The following CSMD2 variants were observed in gnomAD, a reference collection of about 807,000 sequenced individuals.
CSMD2 encodes CUB and Sushi multiple domains 2.
Under a neutral mutation model 398.5 loss-of-function variants are expected in CSMD2, and 130 were observed. That is an observed-to-expected ratio of 0.33 (90% CI 0.28 to 0.38). CSMD2 has a LOEUF of 0.38. Ranked by LOEUF, CSMD2 falls within the 10% of genes least tolerant of loss-of-function variation. The probability of loss-of-function intolerance (pLI) is 1.00; values close to 1 mark genes in which losing one functional copy is unlikely to be tolerated. For synonymous variants in CSMD2, 1,828 were observed against 1,908.5 expected (o/e 0.96, Z 1.10); for missense variants, 3,829 against 4,764.9 (o/e 0.80, Z 5.78).
In CSMD2 at chr1:33,606,129, G is replaced by A. The variant is rs1640590046; in HGVS notation, c.6344-659C>T. 2.3e-6 allele frequency: 3 copies of A among 1,323,556 alleles called. No homozygotes were observed. In the Admixed American group the frequency reaches 9.1e-5, roughly 40 times the overall value. 82.0% of individuals were successfully genotyped at this position (1,323,556 alleles called of 1,614,324 possible). On this transcript the variant is annotated intron_variant, in intron 41 of 70. Transcript: ENST00000373381. Reference sequence around the variant, plus strand: ...TGACTCCACAGGAGATGCCTCCATGGAAGCAGCTGAGGCCAGTCCATTGGG... The same window carrying A: ...TGACTCCACAGGAGATGCCTCCATGAAAGCAGCTGAGGCCAGTCCATTGGG...
intron 2 of CSMD2, among the ~76,000 whole-genome samples, chr1:34,069,401 G>A (rs1655472133): frequency 6.6e-6 from 1 of 152,174 alleles, no homozygotes; most frequent in Non-Finnish European, 1.5e-5. Flanking sequence ...CAGAAATCCA[G>A]TAAGAACCCA....
chr1:33,558,944 C>A (rs10914743), intron 54 of CSMD2, among the ~76,000 whole-genome samples: 31,209 of 152,134 alleles, frequency 0.21, 3,279 homozygotes, highest in Middle Eastern at 0.25. Flanking sequence ...GGAGCAGCTG[C>A]AGAAATAATA....
chr1:33,807,033 A>G (rs1656308952), intron 10 of CSMD2, among the ~76,000 whole-genome samples: 1 of 152,222 alleles, frequency 6.6e-6, no homozygotes, highest in East Asian at 1.9e-4. Flanking sequence ...TACAAAAAAT[A>G]TTCACACCTA....
Position 34,106,799 on chromosome 1 carries a change from T to C in CSMD2, c.188-17606A>G, listed in dbSNP as rs114883320. Among the ~76,000 whole-genome samples the C allele has an allele frequency of 5.9e-3, 900 of 152,286 alleles. 13 individuals carry two copies. The highest frequency in any genetic ancestry group is 0.021 in the African/African-American group (857 of 41,546). On this transcript the variant is annotated intron_variant, in intron 1 of 70. Transcript: ENST00000373381. ...CAGCAAGCCTGTCCCTGTACCATAT[T>C]CAATTGCTTCGTGGGAATAATCCCA...
At chr1:34,021,336 C>T (rs1648845162) in intron 3 of CSMD2, among the ~76,000 whole-genome samples, 2 of 152,196 alleles carry the variant, frequency 1.3e-5, no homozygotes, top group African/African-American at 2.4e-5. Context: ...GGTCACCTGA[C>T]CCAAGGGCAC....
At chr1:33,981,697 A>G (rs542469097) in intron 3 of CSMD2, among the ~76,000 whole-genome samples, 8 of 152,338 alleles carry the variant, frequency 5.3e-5, no homozygotes, top group African/African-American at 1.7e-4. Context: ...TACAGCAATG[A>G]CACTGCCAAG....
At chr1:34,003,866 CTT>C (rs1183147624) in intron 3 of CSMD2, among the ~76,000 whole-genome samples, 1 of 152,200 alleles carries the variant, frequency 6.6e-6, no homozygotes, top group Non-Finnish European at 1.5e-5. Context: ...GGTCCGAGGC[CTT>C]TCAGGCTGAT....
At chr1:33,582,297 C>T (rs958393453) in intron 47 of CSMD2, among the ~76,000 whole-genome samples, 9 of 152,084 alleles carry the variant, frequency 5.9e-5, no homozygotes, top group African/African-American at 1.7e-4. Context: ...ACGGGATCTA[C>T]GAAGATGGCT....
intron 27 of CSMD2, among the ~76,000 whole-genome samples, chr1:33,654,429 G>A (rs1643888864): frequency 6.6e-6 from 1 of 152,186 alleles, no homozygotes; most frequent in Non-Finnish European, 1.5e-5. Flanking sequence ...GGTAGCAGTA[G>A]CCAGAGTAGA....
chr1:33,835,676 AAC>A (rs1491018134), intron 6 of CSMD2, among the ~76,000 whole-genome samples: 2 of 87,684 alleles, frequency 2.3e-5, no homozygotes, highest in Non-Finnish European at 4.0e-5. Context: ...ATTAAAACAA[AAC>A]AAAACAAAAC....
At chr1:33,902,080 G>A (rs1270607166) in intron 5 of CSMD2, among the ~76,000 whole-genome samples, 2 of 152,178 alleles carry the variant, frequency 1.3e-5, no homozygotes, top group African/African-American at 4.8e-5. Context: ...TTACAGAGGT[G>A]GGGCTCAGGA....
chr1:33,623,822 G>A (rs533099500), intron 35 of CSMD2, among the ~76,000 whole-genome samples: 39 of 152,132 alleles, frequency 2.6e-4, no homozygotes, highest in Non-Finnish European at 3.7e-4. Context: ...TTCATCAGAC[G>A]TCCTGCAGCA....
In CSMD2 at chr1:34,039,936, T is replaced by G. The variant is rs117517405; in HGVS notation, c.405-7230A>C. ...GGGAGGCCAAGGTGGGAGGATCACT[T>G]GAGCTCAGGAGTTCAAGACCAGCCT... is the stretch of plus-strand genomic sequence containing the variant. On this transcript the variant is annotated intron_variant, in intron 2 of 70. Transcript: ENST00000373381. 2.0e-3 allele frequency among the ~76,000 whole-genome samples: 307 copies of G among 152,294 alleles called. 7 individuals carry two copies. In the East Asian group the frequency reaches 0.044, roughly 22 times the overall value.
In CSMD2 at chr1:33,742,580, C is replaced by G. The variant is rs542900133; in HGVS notation, c.2173+700G>C. Among the ~76,000 whole-genome samples the G allele has an allele frequency of 2.0e-4, 22 of 111,172 alleles. 2 individuals are homozygous for G. In the South Asian group the frequency reaches 6.7e-3, roughly 34 times the overall value. The allele number at this position is 111,172 out of a possible 152,430, so 72.9% of individuals were successfully genotyped here. A position where few individuals can be genotyped will look rare whatever the true frequency, so the allele number is the denominator to read the frequency against. ...TATTTCTAGTCACCAAGCTTCTGCC[C>G]CCCCCCCCCCAACCCCCTCTGTAAC... On this transcript the variant is annotated intron_variant, in intron 14 of 70. Transcript: ENST00000373381.
intron 44 of CSMD2, among the ~76,000 whole-genome samples, chr1:33,595,631 C>G (rs963922579): frequency 6.6e-6 from 1 of 152,182 alleles, no homozygotes; most frequent in African/African-American, 2.4e-5. Context: ...AACTTTGATT[C>G]TCAAATTATC....
At chr1:33,852,137 G>A (rs1638755336) in intron 5 of CSMD2, among the ~76,000 whole-genome samples, 2 of 150,690 alleles carry the variant, frequency 1.3e-5, no homozygotes, top group African/African-American at 2.4e-5. Context: ...ACCCAACCCA[G>A]GCAGCATCCT....
chr1:33,908,174 C>T (rs1335629136), intron 5 of CSMD2, among the ~76,000 whole-genome samples: 4 of 150,780 alleles, frequency 2.7e-5, no homozygotes, highest in Admixed American at 6.6e-5. Flanking sequence ...GTCTTGGGAA[C>T]CTGGGAAGTG....
intron 13 of CSMD2, among the ~76,000 whole-genome samples, chr1:33,754,426 C>T (rs992210825): frequency 6.6e-6 from 1 of 152,180 alleles, no homozygotes; most frequent in Non-Finnish European, 1.5e-5. Context: ...TTCCTGAGGC[C>T]CTCATCAGGA....
chr1:34,010,207 TC>T (rs1570797714), intron 3 of CSMD2, among the ~76,000 whole-genome samples: 1 of 152,300 alleles, frequency 6.6e-6, no homozygotes, highest in East Asian at 1.9e-4. Flanking sequence ...GCTCAGTCTT[TC>T]CTCTTTCTGT....
Sources: gnomAD v4.1 joint callset for allele counts (sites outside exome capture counted in the v4.1 genomes callset) on GRCh38, gnomAD v4.1.1 for gene constraint, MANE v1.5 for transcripts, NCBI Gene and HGNC (gene_info 2026-07-23, HGNC 2026-07-21) for gene names.